DOCK5: variants seen among roughly 807,000 people sequenced by gnomAD.
DOCK5 encodes the protein dedicator of cytokinesis 5, also known as dedicator of cytokinesis protein 5.
A neutral mutation model predicts 251.8 loss-of-function variants in DOCK5; 142 were observed. That is an observed-to-expected ratio of 0.56 (90% CI 0.49 to 0.65). The LOEUF (loss-of-function observed/expected upper bound fraction) is 0.65. Ranked by LOEUF, DOCK5 falls within the 30% of genes least tolerant of loss-of-function variation. The pLI is 0.00. For missense variants in DOCK5, 2,111 were observed against 2,312.3 expected (o/e 0.91, Z 1.79); for synonymous variants, 842 against 835.5 (o/e 1.01, Z -0.13).
At chr8:25,225,091 C>A (rs1173482796) in intron 1 of DOCK5, among the ~76,000 whole-genome samples, 1 of 152,094 alleles carries the variant, frequency 6.6e-6, no homozygotes, top group Non-Finnish European at 1.5e-5. Context: ...AAAACAAAAA[C>A]CAAAATAAAT....
chr8:25,408,170 G>GA lies in DOCK5; in HGVS notation c.5265+23dup. On this transcript the variant is annotated intron_variant, in intron 49 of 51. Coordinates refer to ENST00000276440, the MANE Select transcript of DOCK5 (RefSeq NM_024940.8). ...CGATTTGATGGTAAAAAACAGAAAAGAAAAAAAGAAATCTCTGGAGGCTTG... is the reference window on the plus strand; with the variant it reads ...CGATTTGATGGTAAAAAACAGAAAAGAAAAAAAAGAAATCTCTGGAGGCTTG... The GA allele has an allele frequency of 1.9e-6, 3 of 1,552,736 alleles. No homozygotes were observed. The highest frequency in any genetic ancestry group is 2.6e-6 in the Non-Finnish European group (3 of 1,150,042).
rs1022207718 is a variant in DOCK5, at chr8:25,414,411, T to G, written c.*3113T>G. The G allele has an allele frequency of 1.3e-5, 2 of 152,224 alleles. No individual in the cohort carries two copies. Among genetic ancestry groups the G allele is most frequent in the Admixed American group, 6.5e-5 (1 of 15,280 alleles). 9.4% of individuals were successfully genotyped at this position (152,224 alleles called of 1,614,324 possible). On this transcript the variant is annotated 3_prime_UTR_variant, in exon 52 of 52. Coordinates refer to ENST00000276440, the MANE Select transcript of DOCK5 (RefSeq NM_024940.8). ...CACCTTAACCCTCTGATTCCAGAAT[T>G]GCAGTCATTTTCTTCTGCCAAGGAA...
At chr8:25,332,409 A>G in intron 19 of DOCK5, 61 bp downstream of exon 19, 1 of 1,355,810 alleles carries the variant, frequency 7.4e-7, no homozygotes. Flanking sequence ...CTATCTAATT[A>G]TACCTAATTG....
In DOCK5 at chr8:25,355,240, G is replaced by GA. The variant is rs200291739; in HGVS notation, c.2850+3423dup. On this transcript the variant is annotated intron_variant, in intron 27 of 51. Coordinates refer to ENST00000276440, the MANE Select transcript of DOCK5 (RefSeq NM_024940.8). ...CAGAATGAGAACCTGTCTCTATTTA[G>GA]AAAAAAAAAGGTATTTAATTTCAAC... Among the ~76,000 whole-genome samples the GA allele has an allele frequency of 1.6e-3, 232 of 148,950 alleles. 2 individuals are homozygous for GA. The highest frequency in any genetic ancestry group is 4.7e-3 in the African/African-American group (192 of 40,610).
intron 1 of DOCK5, among the ~76,000 whole-genome samples, chr8:25,233,086 C>G (rs1353705257): frequency 6.6e-6 from 1 of 152,098 alleles, no homozygotes; most frequent in Non-Finnish European, 1.5e-5. Flanking sequence ...ATTCTAGCCA[C>G]CTTGACCCCC....
chr8:25,334,687 A>G (rs948212286), intron 21 of DOCK5, among the ~76,000 whole-genome samples: 1 of 151,882 alleles, frequency 6.6e-6, no homozygotes, highest in African/African-American at 2.4e-5. Flanking sequence ...ACTCCAGCCT[A>G]AGTGACAGAG....
intron 2 of DOCK5, among the ~76,000 whole-genome samples, chr8:25,244,708 G>C (rs1319646821): frequency 6.6e-6 from 1 of 152,174 alleles, no homozygotes; most frequent in Non-Finnish European, 1.5e-5. Context: ...GAGATGGGAA[G>C]GCAGGAGGAA....
At chr8:25,249,041 C>A (rs1049744564) in intron 2 of DOCK5, among the ~76,000 whole-genome samples, 17 of 152,254 alleles carry the variant, frequency 1.1e-4, no homozygotes, top group African/African-American at 4.1e-4. Flanking sequence ...TGCTGTCCCC[C>A]AGGCTGGAAT....
At chr8:25,300,480 C>G (rs1804733397) in intron 8 of DOCK5, 96 bp from the exon 9 acceptor site, 4 of 1,096,210 alleles carry the variant, frequency 3.6e-6, no homozygotes, top group Non-Finnish European at 5.2e-6. Context: ...GCATTTCTGG[C>G]CTTTCCTCCT....
intron 25 of DOCK5, among the ~76,000 whole-genome samples, chr8:25,343,200 G>A (rs907053139): frequency 6.6e-6 from 1 of 151,678 alleles, no homozygotes; most frequent in African/African-American, 2.4e-5. Context: ...GGAGAGGGGG[G>A]GTTTCACAAT....
intron 18 of DOCK5, among the ~76,000 whole-genome samples, chr8:25,332,039 A>G (rs1805694918): frequency 6.6e-6 from 1 of 152,180 alleles, no homozygotes; most frequent in Non-Finnish European, 1.5e-5. Flanking sequence ...CTTATGCATT[A>G]ATAGTTAATT....
chr8:25,190,775 G>GATTTTTTTT (rs755511798), intron 1 of DOCK5, among the ~76,000 whole-genome samples: 3 of 53,980 alleles, frequency 5.6e-5, no homozygotes, highest in African/African-American at 6.7e-5. Flanking sequence ...CTTGGTCATG[G>GATTTTTTTT]GTTTTTTTTT....
At chr8:25,284,728 TCTAA>T (rs1245864296) in intron 5 of DOCK5, among the ~76,000 whole-genome samples, 2 of 152,254 alleles carry the variant, frequency 1.3e-5, no homozygotes, top group Non-Finnish European at 2.9e-5. Context: ...TCGTGTAATG[TCTAA>T]CTTTTATCTT....
intron 14 of DOCK5, among the ~76,000 whole-genome samples, chr8:25,317,659 G>A (rs1338933784): frequency 2.0e-5 from 3 of 152,160 alleles, no homozygotes; most frequent in Non-Finnish European, 4.4e-5. Context: ...CGCCCAGGCT[G>A]GAGTGCAGTG....
chr8:25,214,819 C>T (rs1442063523), intron 1 of DOCK5, among the ~76,000 whole-genome samples: 2 of 152,218 alleles, frequency 1.3e-5, no homozygotes, highest in Non-Finnish European at 2.9e-5. Flanking sequence ...AGAGCCCCAT[C>T]TGTCCCTGGC....
Position 25,235,929 on chromosome 8 carries a change from C to G in DOCK5, c.44-7745C>G, listed in dbSNP as rs148088226. On this transcript the variant is annotated intron_variant, in intron 1 of 51. Transcript: ENST00000276440. ...TCTCATGCCTCAGCCTCCCGAGTAG[C>G]TAGGATAACAGGTGCGTGCTGCCAT... is the stretch of plus-strand genomic sequence containing the variant. Among the ~76,000 whole-genome samples, 1,245 of 151,668 alleles carry G rather than the reference C, an allele frequency of 8.2e-3. 13 individuals are homozygous for G. Among genetic ancestry groups the G allele is most frequent in the African/African-American group, 0.029 (1,184 of 41,342 alleles).
intron 30 of DOCK5, among the ~76,000 whole-genome samples, chr8:25,366,111 T>A (rs1800769541): frequency 6.6e-6 from 1 of 152,242 alleles, no homozygotes; most frequent in South Asian, 2.1e-4. Flanking sequence ...TTTAACCAAA[T>A]TCTTCTTACG....
At chr8:25,302,011 T>C (rs1456399461) in intron 9 of DOCK5, among the ~76,000 whole-genome samples, 1 of 152,154 alleles carries the variant, frequency 6.6e-6, no homozygotes, top group East Asian at 1.9e-4. Flanking sequence ...ACAATCGCAA[T>C]GATGAGGGCC....
chr8:25,347,625 G>T (rs903018450), intron 26 of DOCK5, among the ~76,000 whole-genome samples: 1 of 152,132 alleles, frequency 6.6e-6, no homozygotes, highest in Non-Finnish European at 1.5e-5. Context: ...TGGCAGCAAT[G>T]TACCTGGCAC....
Sources: allele counts gnomAD v4.1 joint callset (sites outside exome capture counted in the v4.1 genomes callset), GRCh38; gene constraint gnomAD v4.1.1; transcripts MANE v1.5; gene names NCBI Gene and HGNC (gene_info 2026-07-23, HGNC 2026-07-21).